COL15A1: variants seen among roughly 807,000 people sequenced by gnomAD.
COL15A1 encodes collagen type XV alpha 1 chain.
In COL15A1, 111 loss-of-function variants were observed where a neutral mutation model predicts 165.9. The observed-to-expected ratio is 0.67, with a 90% CI of 0.57 to 0.78. The LOEUF (loss-of-function observed/expected upper bound fraction) is 0.78. Among genes scored for constraint, COL15A1 ranks in the 30% least tolerant of loss-of-function variants. The pLI, the probability that COL15A1 is intolerant of heterozygous loss-of-function variation, is 0.00. For missense variants in COL15A1, 1,745 were observed against 1,789.7 expected, an observed-to-expected ratio of 0.98 and a Z score of 0.45; for synonymous variants, 659 against 674.8, an observed-to-expected ratio of 0.98 and a Z score of 0.36.
intron 30 of COL15A1, among the ~76,000 whole-genome samples, chr9:99,051,716 C>A (rs1039063198): frequency 1.3e-5 from 2 of 152,142 alleles, no homozygotes; most frequent in African/African-American, 4.8e-5. Flanking sequence ...AGGATTTTGG[C>A]ACCATACGGA....
chr9:98,944,693 T>G (rs1078206), intron 2 of COL15A1, among the ~76,000 whole-genome samples: 46,078 of 152,030 alleles, frequency 0.3, 7,314 homozygotes, highest in Non-Finnish European at 0.37. Context: ...GGGCTTTTGC[T>G]GCTCAAGAAA....
intron 16 of COL15A1, among the ~76,000 whole-genome samples, chr9:99,031,338 A>G (rs1312459450): frequency 6.6e-6 from 1 of 152,116 alleles, no homozygotes; most frequent in Non-Finnish European, 1.5e-5. Flanking sequence ...GACCCTTCCC[A>G]TGCCCCACGC....
At chr9:99,016,286 G>A (rs1226230033) in intron 11 of COL15A1, among the ~76,000 whole-genome samples, 167 bp downstream of exon 11, 3 of 152,208 alleles carry the variant, frequency 2.0e-5, no homozygotes, top group Non-Finnish European at 4.4e-5. Context: ...AAAGCTTGAG[G>A]AAACTCCAGA....
intron 4 of COL15A1, among the ~76,000 whole-genome samples, 187 bp from the exon 5 acceptor site, chr9:98,988,991 G>T (rs1041212837): frequency 6.7e-6 from 1 of 149,238 alleles, no homozygotes; most frequent in Non-Finnish European, 1.5e-5. Context: ...CTGCACACAC[G>T]CTGTCTCCTT....
chr9:99,068,709 A>G, intron 41 of COL15A1, 39 bp downstream of exon 41: 1 of 1,228,716 alleles, frequency 8.1e-7, no homozygotes, highest in Non-Finnish European at 1.1e-6. Context: ...GGTGTGATAG[A>G]TAGTTTTAGG....
Position 99,017,127 on chromosome 9 carries a change from C to T in COL15A1, c.1647+1008C>T, listed in dbSNP as rs112689193. Among the ~76,000 whole-genome samples, 1,401 of 152,326 alleles carry T rather than the reference C, an allele frequency of 9.2e-3. 12 individuals are homozygous for T. The highest frequency in any genetic ancestry group is 0.014 in the Middle Eastern group (4 of 294). On this transcript the variant is annotated intron_variant, in intron 11 of 41. Transcript: ENST00000375001. ...AGATGAATGTGACCTCACTCCTGTC[C>T]GCAACAAATTCACAATCAAGCGGCA...
At chr9:98,997,517 A>G (rs1359505377) in intron 6 of COL15A1, among the ~76,000 whole-genome samples, 1 of 152,242 alleles carries the variant, frequency 6.6e-6, no homozygotes, top group African/African-American at 2.4e-5. Flanking sequence ...TATAGGTGGA[A>G]AAACCAACAC....
At chr9:99,012,271 C>T (rs930423928) in intron 9 of COL15A1, among the ~76,000 whole-genome samples, 5 of 152,012 alleles carry the variant, frequency 3.3e-5, no homozygotes, top group African/African-American at 7.2e-5. Flanking sequence ...TACCTTGTAG[C>T]GAAAAACACA....
intron 2 of COL15A1, among the ~76,000 whole-genome samples, chr9:98,966,136 C>G (rs1441608020): frequency 6.6e-6 from 1 of 152,152 alleles, no homozygotes; most frequent in Non-Finnish European, 1.5e-5. Context: ...ACCATTCTCC[C>G]CTAGGGAGAT....
intron 31 of COL15A1, 137 bp downstream of exon 31, chr9:99,052,570 T>A (rs7019613): frequency 1.3e-6 from 1 of 743,000 alleles, no homozygotes; most frequent in Non-Finnish European, 2.4e-6. Flanking sequence ...GGATGGCAGC[T>A]GAGCCAAGGC....
Position 98,996,943 on chromosome 9 carries a change from G to A in COL15A1, c.814G>A (p.Ala272Thr). The A allele has an allele frequency of 6.2e-7, 1 of 1,613,676 alleles. No individual in the cohort carries two copies. The highest frequency in any genetic ancestry group is 8.5e-7 in the Non-Finnish European group (1 of 1,179,748). The part of the protein sequence containing the change: ...VTYTQASPKE[A>T]KVEPINTPPT... ...TTTTTCCTCCCTTCAGCCCAAAGAA[G>A]CAAAAGTTGAACCCATAAACACACC... The change falls in exon 6 of 42, where the codon GCA becomes ACA. Residue 272 changes from alanine to threonine, a missense_variant. Coordinates refer to ENST00000375001, the MANE Select transcript of COL15A1 (RefSeq NM_001855.5).
Position 99,047,962 on chromosome 9 carries a change from C to T in COL15A1, c.2755C>T (p.Leu919Phe), listed in dbSNP as rs770917512. The change falls in exon 28 of 42, where the codon CTC becomes TTC. Residue 919 changes from leucine (L) to phenylalanine (F), a missense_variant. Physicochemically the swap from Leu to Phe is conservative, Grantham distance 22. Coordinates refer to ENST00000375001, the MANE Select transcript of COL15A1 (RefSeq NM_001855.5). ...GRPGRPGLNG[L>F]KGTKGDPGVI... ...CCAGGGTCGCCCAGGACTGAATGGC[C>T]TCAAGGGTACCAAAGGAGATCCAGG... is the stretch of plus-strand genomic sequence containing the variant. 7 of 1,605,674 alleles carry T rather than the reference C, an allele frequency of 4.4e-6. No individual in the cohort carries two copies. In the Admixed American group the frequency reaches 6.8e-5, roughly 16 times the overall value.
chr9:98,959,726 G>C (rs1410595798), intron 2 of COL15A1, among the ~76,000 whole-genome samples: 1 of 152,158 alleles, frequency 6.6e-6, no homozygotes, highest in Non-Finnish European at 1.5e-5. Flanking sequence ...CAGCTCCCTG[G>C]CCAGCAGGAT....
rs941404861 is a variant in COL15A1, at chr9:98,958,738, C to T, written c.100+14488C>T. 1.3e-4 allele frequency among the ~76,000 whole-genome samples: 20 copies of T among 152,092 alleles called. 1 individual carries two copies. Among genetic ancestry groups the T allele is most frequent in the Admixed American group, 3.3e-4 (5 of 15,270 alleles). ...CAACTGAATGTCTTCATTTTCTCGG[C>T]GGAGGGAAGTTCTCTAAGATGCCCC... On this transcript the variant is annotated intron_variant, in intron 2 of 41. Transcript: ENST00000375001.
intron 22 of COL15A1, 25 bp from the exon 23 acceptor site, chr9:99,040,496 G>A (rs752317063): frequency 1.6e-5 from 26 of 1,614,116 alleles, no homozygotes; most frequent in South Asian, 4.4e-5. Flanking sequence ...CTAATCCAGC[G>A]TGCTCTATCT....
intron 16 of COL15A1, among the ~76,000 whole-genome samples, chr9:99,030,476 C>G (rs149039061): frequency 6.6e-6 from 1 of 152,150 alleles, no homozygotes; most frequent in Non-Finnish European, 1.5e-5. Flanking sequence ...CTTCTACCCA[C>G]AAGTTAATCT....
At chr9:99,040,605 A>T (rs778424229) in intron 23 of COL15A1, 49 bp downstream of exon 23, 1 of 1,614,128 alleles carries the variant, frequency 6.2e-7, no homozygotes, top group East Asian at 2.2e-5. Context: ...GGCTGCGATC[A>T]TTCTGTTCCT....
intron 32 of COL15A1, 60 bp from the exon 33 acceptor site, chr9:99,055,041 AC>A: frequency 7.1e-7 from 1 of 1,412,852 alleles, no homozygotes; most frequent in Non-Finnish European, 1.0e-6. Context: ...CAACTTAGAG[AC>A]TTTTATTTTA....
At chr9:99,062,157 C>G in intron 37 of COL15A1, 58 bp downstream of exon 37, 2 of 1,605,182 alleles carry the variant, frequency 1.2e-6, no homozygotes, top group East Asian at 2.2e-5. Context: ...AAATAATAAT[C>G]TACTCCCATA....
Sources: gnomAD v4.1 joint callset for allele counts (sites outside exome capture counted in the v4.1 genomes callset) on GRCh38, gnomAD v4.1.1 for gene constraint, MANE v1.5 for transcripts, NCBI Gene and HGNC (gene_info 2026-07-23, HGNC 2026-07-21) for gene names.